PPP6R3: variants seen among roughly 807,000 people sequenced by gnomAD.
PPP6R3 encodes serine/threonine-protein phosphatase 6 regulatory subunit 3.
PPP6R3 carries 38 observed loss-of-function variants against 110.7 expected under a neutral mutation model. The observed-to-expected ratio is 0.34, with a 90% CI of 0.26 to 0.45. PPP6R3 has a LOEUF of 0.45. Ranked by LOEUF, PPP6R3 falls within the 20% of genes least tolerant of loss-of-function variation. The pLI is 1.00. For synonymous variants in PPP6R3, 369 were observed against 373.5 expected (o/e 0.99, Z 0.14); for missense variants, 870 against 1,062.4 (o/e 0.82, Z 2.52).
At chr11:68,513,530 T>TA (rs568611934) in intron 1 of PPP6R3, among the ~76,000 whole-genome samples, 27 of 152,174 alleles carry the variant, frequency 1.8e-4, no homozygotes, top group African/African-American at 6.5e-4. Flanking sequence ...AGCATGTACT[T>TA]AAAGAGTTTG....
At chr11:68,513,742 G>C (rs540110493) in intron 1 of PPP6R3, among the ~76,000 whole-genome samples, 5 of 152,290 alleles carry the variant, frequency 3.3e-5, no homozygotes. Flanking sequence ...GGTATAAGTT[G>C]TATATATTGT....
At chr11:68,572,641 G>A (rs1190011308) in intron 12 of PPP6R3, among the ~76,000 whole-genome samples, 1 of 152,150 alleles carries the variant, frequency 6.6e-6, no homozygotes, top group Non-Finnish European at 1.5e-5. Flanking sequence ...GTTGAGGCCA[G>A]GGGTTCGAGA....
At chr11:68,586,106 T>TA (rs1452837303) in intron 15 of PPP6R3, among the ~76,000 whole-genome samples, 1 of 152,024 alleles carries the variant, frequency 6.6e-6, no homozygotes, top group East Asian at 1.9e-4. Context: ...CCCTGTCTCT[T>TA]AAAAAAAATT....
chr11:68,468,531 T>G (rs2098765401), intron 1 of PPP6R3, among the ~76,000 whole-genome samples: 1 of 152,218 alleles, frequency 6.6e-6, no homozygotes. Context: ...AGGTATGGTA[T>G]TTTGTAACAA....
intron 1 of PPP6R3, among the ~76,000 whole-genome samples, chr11:68,477,741 A>AAAAAGATATATATATATATAT: frequency 1.7e-5 from 1 of 57,894 alleles, no homozygotes; most frequent in Non-Finnish European, 3.3e-5. Context: ...AAAAAAAAAA[A>AAAAAGATATATATATATATAT]ATATATATAT....
intron 1 of PPP6R3, among the ~76,000 whole-genome samples, chr11:68,501,396 C>T (rs191450475): frequency 3.2e-3 from 490 of 152,324 alleles, no homozygotes; most frequent in Non-Finnish European, 5.5e-3. Flanking sequence ...GGCGGGATCT[C>T]GGCCAGTGCA....
chr11:68,605,412 A>AAT, intron 22 of PPP6R3, among the ~76,000 whole-genome samples: 1 of 152,346 alleles, frequency 6.6e-6, no homozygotes, highest in South Asian at 2.1e-4. Context: ...AACTTGTTAC[A>AAT]TGTTAGAATG....
At chr11:68,564,826 G>C (rs2099453133) in intron 9 of PPP6R3, among the ~76,000 whole-genome samples, 1 of 152,210 alleles carries the variant, frequency 6.6e-6, no homozygotes, top group East Asian at 1.9e-4. Flanking sequence ...CCTTATTTAA[G>C]AAAGAGTAGG....
intron 1 of PPP6R3, among the ~76,000 whole-genome samples, chr11:68,513,145 T>C (rs774705951): frequency 4.6e-5 from 7 of 152,038 alleles, no homozygotes; most frequent in Non-Finnish European, 1.0e-4. Context: ...TGGACTTGGA[T>C]TGAACCTCGT....
At position 68,596,158 on chromosome 11, in the gene PPP6R3, G is replaced by T. The variant is rs1396899725; in HGVS notation, c.1978G>T (p.Asp660Tyr). 13 of 1,614,192 alleles carry T rather than the reference G, an allele frequency of 8.1e-6. No individual in the cohort carries two copies. The highest frequency in any genetic ancestry group is 1.1e-5 in the Non-Finnish European group (13 of 1,180,012). ...DSEEEDGAKQ[D>Y]LFEPSSANTE... ...TGAAGAAGAAGATGGAGCAAAGCAA[G>T]ACTTGTTTGAACCCAGCAGTGCCAA... The change falls in exon 19 of 24, where the codon GAC (aspartate) becomes TAC (tyrosine). Residue 660 changes from aspartate (D) to tyrosine (Y), a missense_variant. By Grantham distance (160) the Asp-to-Tyr change is radical. Coordinates refer to ENST00000393800, the MANE Select transcript of PPP6R3 (RefSeq NM_001164161.2).
chr11:68,460,928 G>A (rs1053552094), intron 1 of PPP6R3, 101 bp downstream of exon 1: 3 of 151,974 alleles, frequency 2.0e-5, no homozygotes, highest in Non-Finnish European at 2.9e-5. Flanking sequence ...GCGGCTCAGG[G>A]AGGGAACGTC....
intron 18 of PPP6R3, among the ~76,000 whole-genome samples, chr11:68,595,540 G>A (rs957684018): frequency 2.6e-5 from 4 of 152,144 alleles, no homozygotes; most frequent in Admixed American, 6.6e-5. Context: ...TTAGTAAGCC[G>A]AACATCATCA....
At chr11:68,570,556 C>T (rs542423321) in intron 11 of PPP6R3, among the ~76,000 whole-genome samples, 5 of 152,348 alleles carry the variant, frequency 3.3e-5, no homozygotes, top group African/African-American at 1.2e-4. Context: ...TTGTCACTGA[C>T]TTGCAGACTT....
intron 1 of PPP6R3, among the ~76,000 whole-genome samples, chr11:68,465,787 C>G (rs1490126097): frequency 6.6e-6 from 1 of 152,202 alleles, no homozygotes; most frequent in African/African-American, 2.4e-5. Flanking sequence ...GAGGAAAGAG[C>G]TTCTGTTTGC....
At chr11:68,553,586 C>T (rs2099389125) in intron 6 of PPP6R3, among the ~76,000 whole-genome samples, 1 of 152,096 alleles carries the variant, frequency 6.6e-6, no homozygotes, top group Admixed American at 6.5e-5. Flanking sequence ...AGCCACTGCA[C>T]CCAGCTGTAC....
chr11:68,466,044 C>T lies in PPP6R3; in HGVS notation c.-158+5217C>T, dbSNP rs186117665. Among the ~76,000 whole-genome samples the T allele has an allele frequency of 1.5e-3, 231 of 152,314 alleles. 1 individual carries two copies. The highest frequency in any genetic ancestry group is 2.5e-3 in the Non-Finnish European group (173 of 68,032). The stretch of plus-strand genomic sequence containing the variant: ...TTTGACCAAACCTCAGACACTGACT[C>T]TCTGGTTCCAGACCCGTCCGAAGCT... On this transcript the variant is annotated intron_variant, in intron 1 of 23. Transcript: ENST00000393800.
intron 1 of PPP6R3, among the ~76,000 whole-genome samples, chr11:68,477,503 T>C (rs1009508335): frequency 8.6e-5 from 13 of 151,860 alleles, no homozygotes; most frequent in Non-Finnish European, 1.3e-4. Context: ...GGAGGATCAA[T>C]TGCTTGAGTC....
intron 5 of PPP6R3, among the ~76,000 whole-genome samples, chr11:68,549,058 T>A (rs571680422): frequency 6.6e-6 from 1 of 152,192 alleles, no homozygotes; most frequent in Admixed American, 6.5e-5. Context: ...ACCTGGCTAA[T>A]TTTTGTGTTT....
At chr11:68,502,572 C>T (rs2099054175) in intron 1 of PPP6R3, among the ~76,000 whole-genome samples, 1 of 152,148 alleles carries the variant, frequency 6.6e-6, no homozygotes, top group Admixed American at 6.5e-5. Context: ...TGGATGAATG[C>T]ACACTCCAGT....
Sources: allele counts gnomAD v4.1 joint callset (sites outside exome capture counted in the v4.1 genomes callset), GRCh38; gene constraint gnomAD v4.1.1; transcripts MANE v1.5; gene names NCBI Gene and HGNC (gene_info 2026-07-23, HGNC 2026-07-21).